MDC1: variants seen among roughly 807,000 people sequenced by gnomAD.
MDC1 encodes mediator of DNA damage checkpoint 1.
A neutral mutation model predicts 142.5 loss-of-function variants in MDC1; 81 were observed. That is an observed-to-expected ratio of 0.57 (90% CI 0.47 to 0.68). The LOEUF is 0.68. MDC1 is among the 30% of genes least tolerant of loss of function. The pLI is 0.00. For synonymous variants in MDC1, 797 were observed against 968.4 expected (o/e 0.82, Z 3.29); for missense variants, 2,119 against 2,547.9 (o/e 0.83, Z 3.62).
In MDC1 at chr6:30,702,641, G is replaced by T; in HGVS notation, c.6014C>A (p.Pro2005His). The part of the protein sequence containing the change: ...LLEGYEIYVT[P>H]GVQPPPPQMG... ...CTGAGGTGGTGGTGGCTGGACTCCAGGGGTCACATAGATCTCATAGCCCTA... is the reference window on the plus strand; with the variant it reads ...CTGAGGTGGTGGTGGCTGGACTCCATGGGTCACATAGATCTCATAGCCCTA... The change falls in exon 14 of 15, where the codon CCT (proline) becomes CAT (histidine). Residue 2005 changes from proline (P) to histidine (H), a missense_variant. By Grantham distance (77) the Pro-to-His change is moderately conservative. Transcript: ENST00000376406. 6.2e-7 allele frequency: 1 copy of T among 1,611,264 alleles called. No individual in the cohort carries two copies.
Position 30,704,193 on chromosome 6 carries a change from TA to T in MDC1, c.4989del (p.Phe1663LeufsTer13). 3 of 1,613,134 alleles carry T rather than the reference TA, an allele frequency of 1.9e-6. No homozygotes were observed. Among genetic ancestry groups the T allele is most frequent in the Non-Finnish European group, 2.5e-6 (3 of 1,179,640 alleles). The part of the protein sequence containing the change: ...VEPAASDLEP[F>X]TPTDQSVTPE... ...GGGGTGACGGACTGGTCTGTGGGGG[TA>T]AAAGGCTCAAGATCAGAGGCTGCTG... On this transcript the variant is annotated frameshift_variant, in exon 10 of 15. Transcript: ENST00000376406. LOFTEE classifies it high-confidence loss of function.
At position 30,708,052 on chromosome 6, in the gene MDC1, G is replaced by A. The variant is rs895219451; in HGVS notation, c.2527C>T (p.Gln843Ter). The A allele has an allele frequency of 6.2e-7, 1 of 1,613,034 alleles. No individual in the cohort carries two copies. Among genetic ancestry groups the A allele is most frequent in the Non-Finnish European group, 8.5e-7 (1 of 1,180,016 alleles). The change falls in exon 8 of 15, where the codon CAG becomes TAG. Residue 843 changes from glutamine (Q) to a stop codon, truncating the protein, a stop_gained. Transcript: ENST00000376406. LOFTEE classifies it high-confidence loss of function. The part of the protein sequence containing the change: ...RETEKLLPER[Q>*]TDVTGEEELT... ...TCTTCCTCTCCTGTCACATCTGTCT[G>A]TCTTTCTGGTAGCAGTTTCTCAGTT... is the stretch of plus-strand genomic sequence containing the variant.
Position 30,707,586 on chromosome 6 carries a change from C to G in MDC1, c.2993G>C (p.Ser998Thr), listed in dbSNP as rs200587621. 3.1e-4 allele frequency: 495 copies of G among 1,612,148 alleles called. 1 individual carries two copies. The highest frequency in any genetic ancestry group is 4.0e-4 in the Non-Finnish European group (475 of 1,179,396). Residue 998 changes from serine to threonine, a missense_variant, in exon 8 of 15, where the codon AGC (serine) becomes ACC (threonine). Ser to Thr is a moderately conservative substitution (Grantham distance 58). Transcript: ENST00000376406. ...SQSGGRGSPV[S>T]PRRHQKGLLN... ...CTTACCTTTCTGATGCCTCCTGGGG[C>G]TCACTGGGGATCCCCTTCCACCTGA...
chr6:30,702,539 C>T lies in MDC1; in HGVS notation c.6102+14G>A, dbSNP rs746700643. The T allele has an allele frequency of 2.3e-5, 35 of 1,519,086 alleles. No individual in the cohort carries two copies. The highest frequency in any genetic ancestry group is 2.9e-5 in the Non-Finnish European group (33 of 1,133,996). 94.1% of individuals were successfully genotyped at this position (1,519,086 alleles called of 1,614,324 possible). ...ACTGCCACCTCACCCAGACCCAGAA[C>T]ATCCTAAGCATACCTTATAGGACCG... On this transcript the variant is annotated intron_variant, in intron 14 of 14. Transcript: ENST00000376406.
chr6:30,704,959 G>A lies in MDC1; in HGVS notation c.4224C>T (p.Val1408=). The A allele has an allele frequency of 6.2e-7, 1 of 1,603,880 alleles. No homozygotes were observed. The highest frequency in any genetic ancestry group is 8.5e-7 in the Non-Finnish European group (1 of 1,175,980). ...AAGGCTCGAGCTTAGGGGCTGTGGG[G>A]ACAAGTGTTTCAGGGGTCTTGCCAG... ...RSSGKTPETL[V]PTAPKLEPST... Residue 1408 remains valine, a synonymous_variant, in exon 10 of 15, where the codon GTC becomes GTT. Transcript: ENST00000376406.
chr6:30,712,629 C>T lies in MDC1; in HGVS notation c.1313G>A (p.Arg438His), dbSNP rs764942978. Reference sequence around the variant, plus strand: ...TTGGCTTCGCTGCAGAAGGACCACACGTTGGGGCATGTCCTCTTCTGCATC... The same window carrying T: ...TTGGCTTCGCTGCAGAAGGACCACATGTTGGGGCATGTCCTCTTCTGCATC... ...NRDAEEDMPQ[R>H]VVLLQRSQTT... Residue 438 changes from arginine (R) to histidine (H), a missense_variant, in exon 5 of 15, where the codon CGT (arginine) becomes CAT (histidine). By Grantham distance (29) the Arg-to-His change is conservative. Transcript: ENST00000376406. This position sits in a 1 kb window ranked among gnomAD's most constrained non-coding sequence, Gnocchi z 4.7. The T allele has an allele frequency of 1.9e-5, 31 of 1,612,736 alleles. No individual in the cohort carries two copies. The highest frequency in any genetic ancestry group is 1.5e-4 in the African/African-American group (11 of 74,918).
Position 30,712,756 on chromosome 6 carries a change from CT to C in MDC1, c.1185del (p.Ala396LeufsTer19), listed in dbSNP as rs1775105285. ...APQAVPLEKS[Q>X]ASMVINSDTD... ...GTATCGCTGTTGATAACCATGGAAG[CT>C]TGGCTTTTCTCCAGAGGGACAGCCT... On this transcript the variant is annotated frameshift_variant, in exon 5 of 15. Transcript: ENST00000376406. LOFTEE classifies it high-confidence loss of function. This position sits in a 1 kb window ranked among gnomAD's most constrained non-coding sequence, Gnocchi z 4.7. 3 of 1,612,976 alleles carry C rather than the reference CT, an allele frequency of 1.9e-6. No individual in the cohort carries two copies. The highest frequency in any genetic ancestry group is 2.5e-6 in the Non-Finnish European group (3 of 1,180,036).
chr6:30,715,738 T>C lies in MDC1; in HGVS notation c.-3-560A>G, dbSNP rs999121053. Among the ~76,000 whole-genome samples the C allele has an allele frequency of 1.3e-5, 2 of 152,210 alleles. No individual in the cohort carries two copies. The highest frequency in any genetic ancestry group is 2.9e-5 in the Non-Finnish European group (2 of 68,034). Reference sequence around the variant, plus strand: ...AAAAATGATAATAAAAGATGACATATATAGAAGCTTCCTATGTGTCAAGCA... The same window carrying C: ...AAAAATGATAATAAAAGATGACATACATAGAAGCTTCCTATGTGTCAAGCA... On this transcript the variant is annotated intron_variant, in intron 1 of 14. Transcript: ENST00000376406. This position sits in a 1 kb window ranked among gnomAD's most constrained non-coding sequence, Gnocchi z 4.1.
chr6:30,711,799 A>G, intron 5 of MDC1, 73 bp from the exon 6 acceptor site: 1 of 1,571,504 alleles, frequency 6.4e-7, no homozygotes, highest in Non-Finnish European at 8.6e-7. Context: ...AATAATCTCT[A>G]CCTTTCTCTC....
intron 7 of MDC1, 139 bp from the exon 8 acceptor site, chr6:30,708,496 AG>A: frequency 1.5e-6 from 1 of 681,468 alleles, no homozygotes; most frequent in Non-Finnish European, 2.4e-6. Flanking sequence ...AAATCTGAAC[AG>A]GTTATTAAAG....
rs1562139573 is a variant in MDC1, at chr6:30,717,255, T to C, written c.-14A>G. On this transcript the variant is annotated 5_prime_UTR_variant, in exon 1 of 15. Coordinates refer to ENST00000376406, the MANE Select transcript of MDC1 (RefSeq NM_014641.3). The stretch of plus-strand genomic sequence containing the variant: ...GCCCCTAGAACTCACCTACTTTAAG[T>C]CCCCGCGCGCGCCACCAGTAACGGT... 6.6e-6 allele frequency: 1 copy of C among 152,044 alleles called. No individual in the cohort carries two copies. Among genetic ancestry groups the C allele is most frequent in the African/African-American group, 2.4e-5 (1 of 41,370 alleles). The allele number at this position is 152,044 out of a possible 1,614,324, so 9.4% of individuals were successfully genotyped here.
At chr6:30,710,351 A>C (rs79586233) in intron 7 of MDC1, among the ~76,000 whole-genome samples, 3,355 of 152,184 alleles carry the variant, frequency 0.022, 93 homozygotes, top group East Asian at 0.068. Flanking sequence ...GGCTTCCCAA[A>C]GTGCTGGGAT....
intron 14 of MDC1, among the ~76,000 whole-genome samples, chr6:30,700,985 A>C (rs1772554238): frequency 6.6e-6 from 1 of 150,688 alleles, no homozygotes; most frequent in Admixed American, 6.6e-5. Context: ...GGGCAGGAGA[A>C]TGGCGTGAAA....
In MDC1 at chr6:30,710,696, C is replaced by T. The variant is rs146192926; in HGVS notation, c.2221+716G>A. On this transcript the variant is annotated intron_variant, in intron 7 of 14. Coordinates refer to ENST00000376406, the MANE Select transcript of MDC1 (RefSeq NM_014641.3). ...AGAGGTGTGAGCCACTGTGCCCGAC[C>T]CCGGCCTACATTTTCTTTATCCATT... Among the ~76,000 whole-genome samples, 7 of 152,314 alleles carry T rather than the reference C, an allele frequency of 4.6e-5. No homozygotes were observed. In the East Asian group the frequency reaches 1.4e-3, roughly 29 times the overall value.
At position 30,716,050 on chromosome 6, in the gene MDC1, T is replaced by C. The variant is rs1169086548; in HGVS notation, c.-3-872A>G. ...TCTGAACTTCACATCTTGTAACGCC[T>C]ACCCCTCGCCCGCAAAAGCCTATGG... is the stretch of plus-strand genomic sequence containing the variant. On this transcript the variant is annotated intron_variant, in intron 1 of 14. Coordinates refer to ENST00000376406, the MANE Select transcript of MDC1 (RefSeq NM_014641.3). This position sits in a 1 kb window ranked among gnomAD's most constrained non-coding sequence, Gnocchi z 4.4. 6.6e-6 allele frequency among the ~76,000 whole-genome samples: 1 copy of C among 152,170 alleles called. No homozygotes were observed. Among genetic ancestry groups the C allele is most frequent in the African/African-American group, 2.4e-5 (1 of 41,422 alleles).
Position 30,715,260 on chromosome 6 carries a change from G to A in MDC1, c.-3-82C>T. 8 of 1,449,350 alleles carry A rather than the reference G, an allele frequency of 5.5e-6. No homozygotes were observed. The Middle Eastern group carries it at 1.2e-3, about 212-fold the overall frequency. 89.8% of individuals were successfully genotyped at this position (1,449,350 alleles called of 1,614,324 possible). A position where few individuals can be genotyped will look rare whatever the true frequency, so the allele number is the denominator to read the frequency against. On this transcript the variant is annotated intron_variant, in intron 1 of 14. Coordinates refer to ENST00000376406, the MANE Select transcript of MDC1 (RefSeq NM_014641.3). This position sits in a 1 kb window ranked among gnomAD's most constrained non-coding sequence, Gnocchi z 4.1. ...AGAGTTATCAGACTGAAAACTAGGG[G>A]GTAAACTGGATCATTATGAACGTTG...
At position 30,702,555 on chromosome 6, in the gene MDC1, T is replaced by C. The variant is rs766057046; in HGVS notation, c.6100A>G (p.Lys2034Glu). Reference protein sequence around the residue: ...TYLPSMPRSYKPQRVVITCPQ... With the variant: ...TYLPSMPRSYEPQRVVITCPQ... ...GACCCAGAACATCCTAAGCATACCT[T>C]ATAGGACCGAGGCATGCTGGGTAGG... Residue 2034 changes from lysine to glutamate, a missense_variant and splice_region_variant, in exon 14 of 15, where the codon AAG becomes GAG. Transcript: ENST00000376406. The C allele has an allele frequency of 1.3e-6, 2 of 1,578,384 alleles. No individual in the cohort carries two copies. Among genetic ancestry groups the C allele is most frequent in the Non-Finnish European group, 1.7e-6 (2 of 1,164,708 alleles).
In MDC1 at chr6:30,707,828, T is replaced by G. The variant is rs28986467; in HGVS notation, c.2751A>C (p.Arg917Ser). The change falls in exon 8 of 15, where the codon AGA (arginine) becomes AGC (serine). Residue 917 changes from arginine to serine, a missense_variant. By Grantham distance (110) the Arg-to-Ser change is moderately radical. Coordinates refer to ENST00000376406, the MANE Select transcript of MDC1 (RefSeq NM_014641.3). ...TGTTTGCTACTGGTCTCTCTACTTCTCTCTCAAATGCTTTGCTTGGAAGGG... is the reference window on the plus strand; with the variant it reads ...TGTTTGCTACTGGTCTCTCTACTTCGCTCTCAAATGCTTTGCTTGGAAGGG... ...KQTLPSKAFE[R>S]EVERPVANRE... The G allele has an allele frequency of 0.017, 27,008 of 1,613,106 alleles. 505 individuals are homozygous for G. Among genetic ancestry groups the G allele is most frequent in the African/African-American group, 0.09 (6,723 of 75,042 alleles).
intron 7 of MDC1, 141 bp downstream of exon 7, chr6:30,711,271 G>A: frequency 1.4e-6 from 1 of 694,248 alleles, no homozygotes; most frequent in Non-Finnish European, 2.5e-6. Flanking sequence ...AGCTACCTGG[G>A]AAGCTGAAGG....
Sources: allele counts gnomAD v4.1 joint callset (sites outside exome capture counted in the v4.1 genomes callset), GRCh38; gene constraint gnomAD v4.1.1; non-coding constraint Gnocchi (gnomAD v3.1); transcripts MANE v1.5; gene names NCBI Gene and HGNC (gene_info 2026-07-23, HGNC 2026-07-21).